PCDH15: variants seen among roughly 807,000 people sequenced by gnomAD.
PCDH15 encodes the protein protocadherin-15.
In PCDH15, 129 loss-of-function variants were observed where a neutral mutation model predicts 178.5. The ratio of observed to expected loss-of-function variants is 0.72; its 90% CI spans 0.63 to 0.84. The LOEUF (loss-of-function observed/expected upper bound fraction) is 0.84. Among genes scored for constraint, PCDH15 ranks in the 40% least tolerant of loss-of-function variants. PCDH15 has a pLI of 0.00. For missense variants in PCDH15, 2,230 were observed against 2,099.9 expected (o/e 1.06, Z -1.21); for synonymous variants, 800 against 732.0 (o/e 1.09, Z -1.50).
intron 21 of PCDH15, among the ~76,000 whole-genome samples, chr10:53,970,751 T>A (rs905316406): frequency 2.6e-5 from 4 of 151,912 alleles, no homozygotes; most frequent in African/African-American, 9.7e-5. Context: ...AGAAGTTGAA[T>A]CCCTGAATAG....
chr10:54,588,782 G>A (rs913335203), intron 2 of PCDH15, among the ~76,000 whole-genome samples: 4 of 151,906 alleles, frequency 2.6e-5, no homozygotes, highest in African/African-American at 7.3e-5. Flanking sequence ...CTATGTGGCC[G>A]GGGCTAGTCT....
chr10:54,161,888 C>A (rs1180639719), intron 13 of PCDH15, among the ~76,000 whole-genome samples: 3 of 152,204 alleles, frequency 2.0e-5, no homozygotes, highest in Non-Finnish European at 4.4e-5. Flanking sequence ...ATCTCCCATT[C>A]TCCTCAGCTG....
At position 55,004,774 on chromosome 10, in the gene PCDH15, A is replaced by T. The variant is rs76984075; in HGVS notation, c.-79-107274T>A. Among the ~76,000 whole-genome samples the T allele has an allele frequency of 7.2e-3, 1,096 of 152,010 alleles. 12 individuals carry two copies. The highest frequency in any genetic ancestry group is 0.025 in the African/African-American group (1,052 of 41,432). On this transcript the variant is annotated intron_variant, in intron 2 of 5. Coordinates refer to the PCDH15 transcript ENST00000458638. ...CATCTTAATGACTGGTTTTCTGTGC[A>T]GTGAGCAGGAAGACCTACACTGAAT...
intron 2 of PCDH15, among the ~76,000 whole-genome samples, chr10:54,638,603 T>C (rs568286300): frequency 4.6e-5 from 7 of 152,162 alleles, no homozygotes; most frequent in Non-Finnish European, 1.0e-4. Context: ...TCAACTAGCC[T>C]ATCTTTTATT....
chr10:54,100,294 G>A (rs1281877116), intron 15 of PCDH15, among the ~76,000 whole-genome samples: 1 of 151,824 alleles, frequency 6.6e-6, no homozygotes. Context: ...GAACCCGGGA[G>A]GCAGAGGTTA....
intron 3 of PCDH15, among the ~76,000 whole-genome samples, chr10:54,464,071 T>A (rs2077365885): frequency 6.6e-6 from 1 of 152,124 alleles, no homozygotes; most frequent in African/African-American, 2.4e-5. Flanking sequence ...TATGTCAGGC[T>A]TTCACCTTCA....
chr10:54,813,978 C>T (rs1020615074), intron 3 of PCDH15, among the ~76,000 whole-genome samples: 1 of 152,048 alleles, frequency 6.6e-6, no homozygotes, highest in Admixed American at 6.6e-5. Context: ...ACAATCACTC[C>T]AGACTTATGT....
At chr10:55,159,511 A>C (rs543120870) in intron 2 of PCDH15, among the ~76,000 whole-genome samples, 1 of 149,758 alleles carries the variant, frequency 6.7e-6, no homozygotes, top group Non-Finnish European at 1.5e-5. Flanking sequence ...ACATATACAC[A>C]CACACAACTA....
chr10:53,834,685 T>A (rs2077205749), intron 29 of PCDH15, among the ~76,000 whole-genome samples: 1 of 152,192 alleles, frequency 6.6e-6, no homozygotes, highest in Non-Finnish European at 1.5e-5. Flanking sequence ...TAAACCAATG[T>A]CATGTCTTAT....
chr10:54,472,456 T>C (rs1163031352), intron 3 of PCDH15, among the ~76,000 whole-genome samples: 1 of 152,188 alleles, frequency 6.6e-6, no homozygotes, highest in Admixed American at 6.6e-5. Flanking sequence ...CTTCAATTCA[T>C]ACATCCTCAG....
intron 28 of PCDH15, among the ~76,000 whole-genome samples, chr10:53,849,222 T>A (rs916555264): frequency 4.0e-5 from 6 of 150,974 alleles, no homozygotes; most frequent in African/African-American, 1.5e-4. Flanking sequence ...GTTTTTAATC[T>A]TTTTTTTTCT....
intron 26 of PCDH15, 34 bp from the exon 27 acceptor site, chr10:53,866,891 T>C (rs2079501637): frequency 2.8e-6 from 4 of 1,449,990 alleles, no homozygotes; most frequent in African/African-American, 1.4e-5. Flanking sequence ...AGATTATAAT[T>C]AAGCAGGAAA....
chr10:54,337,809 A>G (rs904686530), intron 6 of PCDH15, among the ~76,000 whole-genome samples: 2 of 152,140 alleles, frequency 1.3e-5, no homozygotes, highest in African/African-American at 4.8e-5. Context: ...TTAAGCAAGG[A>G]TCTATCCTTC....
chr10:55,140,839 G>T (rs900287194), intron 2 of PCDH15, among the ~76,000 whole-genome samples: 4 of 151,844 alleles, frequency 2.6e-5, no homozygotes, highest in Non-Finnish European at 5.9e-5. Flanking sequence ...CTTGAGCAAT[G>T]GGTTCATTTC....
chr10:53,808,645 C>T (rs1210781535), intron 37 of PCDH15: 6 of 1,575,898 alleles, frequency 3.8e-6, no homozygotes, highest in Admixed American at 1.8e-5. Context: ...AGGCACTGCA[C>T]ACGAGAGCAC....
chr10:53,989,399 G>A (rs1036202750), intron 21 of PCDH15, among the ~76,000 whole-genome samples: 2 of 151,990 alleles, frequency 1.3e-5, no homozygotes, highest in African/African-American at 4.8e-5. Context: ...CATCTGAATT[G>A]TTAATTCTAA....
At chr10:55,434,072 C>CTTTT (rs1316162910) in intron 2 of PCDH15, among the ~76,000 whole-genome samples, 2 of 84,004 alleles carry the variant, frequency 2.4e-5, no homozygotes, top group African/African-American at 5.4e-5. Context: ...TTTTTCTTTT[C>CTTTT]TTTTCTTTTT....
At chr10:55,341,818 TTTTTTTTTTTTTTA>T (rs1844604968) in intron 2 of PCDH15, among the ~76,000 whole-genome samples, 3 of 88,028 alleles carry the variant, frequency 3.4e-5, no homozygotes, top group African/African-American at 5.5e-5. Context: ...TTTTTTTTTT[TTTTTTTTTTTTTTA>T]GTAGAGATGG....
intron 33 of PCDH15, among the ~76,000 whole-genome samples, chr10:53,819,480 A>G (rs548433823): frequency 5.3e-5 from 8 of 152,126 alleles, no homozygotes; most frequent in African/African-American, 1.7e-4. Context: ...AAACATGACT[A>G]TTGATACTTA....
Sources: gnomAD v4.1 joint callset for allele counts (sites outside exome capture counted in the v4.1 genomes callset) on GRCh38, gnomAD v4.1.1 for gene constraint, MANE v1.5 for transcripts, NCBI Gene and HGNC (gene_info 2026-07-23, HGNC 2026-07-21) for gene names.